Variants in GRID2 observed in about 807,000 individuals in gnomAD.
GRID2 encodes glutamate receptor ionotropic, delta-2.
Under a neutral mutation model 114.8 loss-of-function variants are expected in GRID2, and 33 were observed. The observed-to-expected ratio is 0.29, with a 90% CI of 0.22 to 0.38. The LOEUF (loss-of-function observed/expected upper bound fraction) is 0.38. Ranked by LOEUF, GRID2 falls within the 10% of genes least tolerant of loss-of-function variation. The pLI, the probability that GRID2 is intolerant of heterozygous loss-of-function variation, is 1.00. For synonymous variants in GRID2, 505 were observed against 449.9 expected (o/e 1.12, Z -1.55); for missense variants, 1,184 against 1,257.7 (o/e 0.94, Z 0.89).
At position 93,110,804 on chromosome 4, in the gene GRID2, G is replaced by A; in HGVS notation, c.586G>A (p.Ala196Thr). 1 of 1,612,682 alleles carries A rather than the reference G, an allele frequency of 6.2e-7. No individual in the cohort carries two copies. The highest frequency in any genetic ancestry group is 8.5e-7 in the Non-Finnish European group (1 of 1,178,704). The change falls in exon 4 of 16, where the codon GCA becomes ACA. Residue 196 changes from alanine to threonine, a missense_variant. Coordinates refer to ENST00000282020, the MANE Select transcript of GRID2 (RefSeq NM_001510.4). ...AGTCTCTCAGCAGGGAATGGATGTT[G>A]CACTTCAGAAGGTAGAAAACAACAT... ...DKVSQQGMDV[A>T]LQKVENNINK... is the part of the protein sequence containing the mutation.
At chr4:93,308,585 G>C (rs1033026822) in intron 8 of GRID2, among the ~76,000 whole-genome samples, 2 of 152,028 alleles carry the variant, frequency 1.3e-5, no homozygotes, top group Admixed American at 1.3e-4. Flanking sequence ...GTTAGTAAAG[G>C]GTTTCAACAG....
At chr4:93,488,999 T>G (rs1344189138) in intron 11 of GRID2, among the ~76,000 whole-genome samples, 2 of 151,932 alleles carry the variant, frequency 1.3e-5, no homozygotes, top group Non-Finnish European at 2.9e-5. Flanking sequence ...GAGAAATAAT[T>G]TAGTCCATAA....
At chr4:93,647,102 G>A (rs1722179788) in intron 14 of GRID2, among the ~76,000 whole-genome samples, 1 of 152,084 alleles carries the variant, frequency 6.6e-6, no homozygotes, top group African/African-American at 2.4e-5. Flanking sequence ...TTAGATGAAG[G>A]ACTTTGAGCT....
chr4:92,740,599 A>G (rs1278444507), intron 2 of GRID2, among the ~76,000 whole-genome samples: 1 of 152,134 alleles, frequency 6.6e-6, no homozygotes, highest in Non-Finnish European at 1.5e-5. Flanking sequence ...CAATTTTATA[A>G]TTAATCTCAG....
chr4:92,767,614 G>A (rs981905531), intron 2 of GRID2, among the ~76,000 whole-genome samples: 4 of 152,120 alleles, frequency 2.6e-5, no homozygotes, highest in African/African-American at 9.7e-5. Context: ...AGCTGGGCAT[G>A]GTGGTGGGTA....
At position 92,652,922 on chromosome 4, in the gene GRID2, ATATAAATATATATAAACATATATT is replaced by A. The variant is rs1414757810; in HGVS notation, c.244+62658_244+62681del. Among the ~76,000 whole-genome samples, 126 of 131,502 alleles carry A rather than the reference ATATAAATATATATAAACATATATT, an allele frequency of 9.6e-4. 1 individual carries two copies. The highest frequency in any genetic ancestry group is 2.9e-3 in the African/African-American group (108 of 36,838). The allele number at this position is 131,502 out of a possible 152,430, so 86.3% of individuals were successfully genotyped here. On this transcript the variant is annotated intron_variant, in intron 2 of 15. Transcript: ENST00000282020. ...CATATAAATATATATTTATAAATAC[ATATAAATATATATAAACATATATT>A]TATAAATATATATAAACATATTTAT...
At chr4:93,021,759 G>T (rs1226747899) in intron 2 of GRID2, among the ~76,000 whole-genome samples, 3 of 141,822 alleles carry the variant, frequency 2.1e-5, no homozygotes, top group Non-Finnish European at 4.6e-5. Flanking sequence ...TTTATAATAT[G>T]AATATTATAA....
intron 9 of GRID2, among the ~76,000 whole-genome samples, chr4:93,405,613 CAGTA>C (rs1766333946): frequency 6.6e-6 from 1 of 152,114 alleles, no homozygotes; most frequent in Non-Finnish European, 1.5e-5. Flanking sequence ...GATATAAAAA[CAGTA>C]GGTAGATTGA....
intron 1 of GRID2, among the ~76,000 whole-genome samples, chr4:92,358,863 G>A (rs1288815052): frequency 6.6e-6 from 1 of 151,836 alleles, no homozygotes; most frequent in African/African-American, 2.4e-5. Context: ...CATTAGTATA[G>A]AAGTCATATA....
chr4:93,700,813 G>A (rs1260957590), intron 14 of GRID2, among the ~76,000 whole-genome samples: 1 of 152,096 alleles, frequency 6.6e-6, no homozygotes, highest in Non-Finnish European at 1.5e-5. Flanking sequence ...AGGAAGGGTG[G>A]TTTGGAAGGG....
At position 92,949,917 on chromosome 4, in the gene GRID2, C is replaced by T. The variant is rs978720426; in HGVS notation, c.245-135078C>T. Among the ~76,000 whole-genome samples the T allele has an allele frequency of 2.6e-5, 4 of 152,042 alleles. No individual in the cohort carries two copies. The East Asian group carries it at 7.7e-4, about 29-fold the overall frequency. ...TACAGATAAACAAACTGATGCTGAA[C>T]CTGCAATTGGCCATCTCCTCTCAGC... On this transcript the variant is annotated intron_variant, in intron 2 of 15. Transcript: ENST00000282020.
intron 1 of GRID2, among the ~76,000 whole-genome samples, chr4:92,412,287 C>A (rs532001615): frequency 6.6e-6 from 1 of 152,070 alleles, no homozygotes; most frequent in African/African-American, 2.4e-5. Flanking sequence ...AAGCTATGTG[C>A]CAACTTATTT....
downstream of GRID2, among the ~76,000 whole-genome samples, chr4:93,775,376 C>T (rs1468592250): frequency 6.6e-6 from 1 of 152,154 alleles, no homozygotes; most frequent in Non-Finnish European, 1.5e-5. Context: ...CAACATAGGT[C>T]CTCATGGATT....
At chr4:93,043,012 A>G (rs913770670) in intron 2 of GRID2, among the ~76,000 whole-genome samples, 1 of 152,052 alleles carries the variant, frequency 6.6e-6, no homozygotes, top group African/African-American at 2.4e-5. Context: ...AAGAAACAAT[A>G]GTTTGAGTGT....
chr4:93,257,993 TATATATACACAC>T (rs755796268), intron 8 of GRID2, among the ~76,000 whole-genome samples: 2,804 of 24,790 alleles, frequency 0.11, 39 homozygotes, highest in Middle Eastern at 0.29. Context: ...TATATATATA[TATATATACACAC>T]ACACACACAC....
intron 1 of GRID2, among the ~76,000 whole-genome samples, chr4:92,442,251 C>A (rs58809578): frequency 0.16 from 24,155 of 151,752 alleles, 2,434 homozygotes; most frequent in African/African-American, 0.29. Flanking sequence ...CCGAGAAGAT[C>A]TGGGAAGGAG....
At chr4:93,183,047 A>G (rs781007423) in intron 4 of GRID2, among the ~76,000 whole-genome samples, 1 of 152,242 alleles carries the variant, frequency 6.6e-6, no homozygotes, top group African/African-American at 2.4e-5. Context: ...AGGTTCTTTT[A>G]TTCATCAACT....
chr4:93,637,621 G>A (rs1201066140), intron 14 of GRID2, among the ~76,000 whole-genome samples: 5 of 152,088 alleles, frequency 3.3e-5, no homozygotes, highest in African/African-American at 1.2e-4. Context: ...ATAACAAAGG[G>A]TCCTCCATTA....
At chr4:92,620,736 A>C (rs1730228630) in intron 2 of GRID2, among the ~76,000 whole-genome samples, 2 of 151,336 alleles carry the variant, frequency 1.3e-5, no homozygotes, top group Non-Finnish European at 3.0e-5. Flanking sequence ...TAAAATAGCT[A>C]ATATATGACA....
Sources: gnomAD v4.1 joint callset for allele counts (sites outside exome capture counted in the v4.1 genomes callset) on GRCh38, gnomAD v4.1.1 for gene constraint, MANE v1.5 for transcripts, NCBI Gene and HGNC (gene_info 2026-07-23, HGNC 2026-07-21) for gene names.